Variants in DAB1 observed in about 807,000 individuals in gnomAD.
The protein encoded by DAB1 is disabled homolog 1.
A neutral mutation model predicts 64.6 loss-of-function variants in DAB1; 15 were observed. The observed-to-expected ratio is 0.23, with a 90% confidence interval of 0.16 to 0.36. The LOEUF (loss-of-function observed/expected upper bound fraction) is 0.36, where lower values mean the gene tolerates loss of function less well. DAB1 is among the 10% of genes least tolerant of loss of function. The pLI is 1.00. For missense variants in DAB1, 596 were observed against 706.7 expected (o/e 0.84, Z 1.78); for synonymous variants, 235 against 251.9 (o/e 0.93, Z 0.64).
At chr1:58,431,840 G>C (rs553917554) in intron 3 of DAB1, among the ~76,000 whole-genome samples, 3 of 152,134 alleles carry the variant, frequency 2.0e-5, no homozygotes, top group African/African-American at 7.2e-5. Context: ...TGACCCCCTT[G>C]CTGGGGAGAC....
chr1:57,120,929 G>T (rs1462942809), intron 4 of DAB1, among the ~76,000 whole-genome samples: 1 of 152,114 alleles, frequency 6.6e-6, no homozygotes, highest in Non-Finnish European at 1.5e-5. Context: ...CTGGTGTGTG[G>T]AAGGACAAAA....
intron 4 of DAB1, among the ~76,000 whole-genome samples, chr1:57,091,817 G>A (rs1370433793): frequency 1.3e-5 from 2 of 152,140 alleles, no homozygotes; most frequent in African/African-American, 2.4e-5. Context: ...AACAGTTCCT[G>A]GCACCTAATA....
intron 12 of DAB1, among the ~76,000 whole-genome samples, 157 bp from the exon 13 acceptor site, chr1:57,011,429 G>A (rs540725213): frequency 6.6e-6 from 1 of 152,284 alleles, no homozygotes; most frequent in South Asian, 2.1e-4. Context: ...TTCTCTCTCT[G>A]TACGTATTGA....
intron 6 of DAB1, among the ~76,000 whole-genome samples, chr1:57,686,949 G>A (rs1241582759): frequency 1.3e-5 from 2 of 152,032 alleles, no homozygotes; most frequent in Non-Finnish European, 2.9e-5. Context: ...CATTGAACAG[G>A]CAAAAGCTGA....
At chr1:58,460,172 CA>C (rs1645229498) in intron 3 of DAB1, among the ~76,000 whole-genome samples, 1 of 151,604 alleles carries the variant, frequency 6.6e-6, no homozygotes, top group African/African-American at 2.4e-5. Context: ...AGTTGAAGCA[CA>C]AAGTCTAGGC....
intron 3 of DAB1, among the ~76,000 whole-genome samples, chr1:58,465,314 G>A (rs112145670): frequency 6.6e-6 from 1 of 152,172 alleles, no homozygotes; most frequent in Non-Finnish European, 1.5e-5. Context: ...CATGACCCTA[G>A]AGAGTGGCTG....
intron 1 of DAB1, among the ~76,000 whole-genome samples, chr1:58,528,918 G>A (rs1646391468): frequency 6.6e-6 from 1 of 152,072 alleles, no homozygotes; most frequent in South Asian, 2.1e-4. Context: ...ACAGTGAAGT[G>A]GCAGAATTTA....
chr1:58,312,813 G>A (rs1219523043), intron 4 of DAB1, among the ~76,000 whole-genome samples: 1 of 152,102 alleles, frequency 6.6e-6, no homozygotes, highest in Non-Finnish European at 1.5e-5. Context: ...CAAGTTACTT[G>A]ACCTACCTGT....
intron 7 of DAB1, among the ~76,000 whole-genome samples, chr1:57,632,809 G>A (rs977303063): frequency 4.6e-5 from 7 of 152,190 alleles, no homozygotes; most frequent in African/African-American, 1.7e-4. Flanking sequence ...CAGAGTGGTG[G>A]GTATATAGGA....
chr1:57,105,085 A>G (rs1655021824), intron 4 of DAB1, among the ~76,000 whole-genome samples: 1 of 152,174 alleles, frequency 6.6e-6, no homozygotes, highest in Admixed American at 6.5e-5. Flanking sequence ...TGAGGGTAGG[A>G]GACGCCAGCA....
chr1:57,963,613 A>G (rs894425835), intron 5 of DAB1, among the ~76,000 whole-genome samples: 1 of 152,134 alleles, frequency 6.6e-6, no homozygotes, highest in Admixed American at 6.6e-5. Flanking sequence ...GGACCCTTTG[A>G]GCTGATCATT....
chr1:57,146,196 T>C (rs1659115532), intron 2 of DAB1, among the ~76,000 whole-genome samples: 1 of 152,220 alleles, frequency 6.6e-6, no homozygotes, highest in South Asian at 2.1e-4. Context: ...TCCCCACTCT[T>C]CACAACAAGC....
intron 7 of DAB1, among the ~76,000 whole-genome samples, chr1:57,554,478 G>T (rs1644964095): frequency 6.6e-6 from 1 of 152,082 alleles, no homozygotes; most frequent in African/African-American, 2.4e-5. Flanking sequence ...TAACTTGTTT[G>T]TGTTGTTTTT....
chr1:58,338,080 A>G (rs1229272663), intron 4 of DAB1, among the ~76,000 whole-genome samples: 1 of 152,324 alleles, frequency 6.6e-6, no homozygotes, highest in East Asian at 1.9e-4. Context: ...TTTGTTTCTA[A>G]AAGCCAAAGT....
intron 5 of DAB1, among the ~76,000 whole-genome samples, chr1:57,995,441 T>C (rs1646409855): frequency 6.6e-6 from 1 of 152,160 alleles, no homozygotes; most frequent in Non-Finnish European, 1.5e-5. Context: ...ATGAGATTTT[T>C]AATCAATGCA....
At chr1:57,621,109 GAGAC>G (rs1375485891) in intron 7 of DAB1, among the ~76,000 whole-genome samples, 2 of 152,016 alleles carry the variant, frequency 1.3e-5, no homozygotes, top group East Asian at 3.9e-4. Context: ...ATAAGACTGA[GAGAC>G]AGAATTCATG....
chr1:57,942,531 C>G (rs1645120586), intron 5 of DAB1, among the ~76,000 whole-genome samples: 1 of 152,158 alleles, frequency 6.6e-6, no homozygotes, highest in East Asian at 1.9e-4. Flanking sequence ...TGAATCTGAC[C>G]TGCCAGGTTT....
chr1:58,414,721 A>C (rs1644701615), intron 3 of DAB1, among the ~76,000 whole-genome samples: 1 of 152,140 alleles, frequency 6.6e-6, no homozygotes, highest in South Asian at 2.1e-4. Context: ...GTCGGGGGTG[A>C]GCAGAGAAGT....
At chr1:58,417,676 T>C (rs1027999956) in intron 3 of DAB1, among the ~76,000 whole-genome samples, 7 of 152,178 alleles carry the variant, frequency 4.6e-5, no homozygotes, top group Admixed American at 2.6e-4. Flanking sequence ...CATGAATCAA[T>C]TGAAGTGCTG....
Sources: gnomAD v4.1 joint callset for allele counts (sites outside exome capture counted in the v4.1 genomes callset) on GRCh38, gnomAD v4.1.1 for gene constraint, MANE v1.5 for transcripts, NCBI Gene and HGNC (gene_info 2026-07-23, HGNC 2026-07-21) for gene names.